The following UVRAG variants were observed in gnomAD, a reference collection of about 807,000 sequenced individuals.
UVRAG encodes UV radiation resistance associated, also known as UV radiation resistance-associated gene protein.
UVRAG carries 19 observed loss-of-function variants against 78.0 expected under a neutral mutation model. That is an observed-to-expected ratio of 0.24 (90% confidence interval 0.17 to 0.36). The LOEUF (loss-of-function observed/expected upper bound fraction) is 0.36, where lower values mean the gene tolerates loss of function less well. UVRAG is among the 10% of genes least tolerant of loss of function. The pLI is 1.00. For synonymous variants in UVRAG, 323 were observed against 324.6 expected (o/e 1.00, Z 0.05); for missense variants, 740 against 853.8 (o/e 0.87, Z 1.66).
intron 14 of UVRAG, among the ~76,000 whole-genome samples, chr11:76,121,182 A>G (rs1183591051): frequency 6.6e-6 from 1 of 152,234 alleles, no homozygotes; most frequent in Non-Finnish European, 1.5e-5. Context: ...TGGAATTCTT[A>G]GCTAATATGA....
chr11:75,892,054 C>A (rs995461438), intron 5 of UVRAG, among the ~76,000 whole-genome samples: 12 of 152,232 alleles, frequency 7.9e-5, no homozygotes, highest in Non-Finnish European at 1.8e-4. Flanking sequence ...TCGATTCCTT[C>A]TATATACTTC....
At chr11:76,118,817 A>G (rs189522500) in intron 14 of UVRAG, among the ~76,000 whole-genome samples, 36 of 152,342 alleles carry the variant, frequency 2.4e-4, no homozygotes, top group Non-Finnish European at 4.0e-4. Flanking sequence ...TTGAGCAAAC[A>G]TGATGAGGTT....
At chr11:75,904,095 T>C (rs1453637059) in intron 5 of UVRAG, among the ~76,000 whole-genome samples, 1 of 152,212 alleles carries the variant, frequency 6.6e-6, no homozygotes, top group Non-Finnish European at 1.5e-5. Context: ...AAAATAAGAC[T>C]ATGTGACAGA....
intron 11 of UVRAG, among the ~76,000 whole-genome samples, chr11:76,011,845 T>G (rs1194925094): frequency 6.6e-6 from 1 of 152,180 alleles, no homozygotes; most frequent in East Asian, 1.9e-4. Context: ...TCATACTCTG[T>G]GTCAGGCACT....
intron 10 of UVRAG, 105 bp from the exon 11 acceptor site, chr11:76,008,702 G>A (rs2135348663): frequency 1.8e-6 from 1 of 541,182 alleles, no homozygotes; most frequent in African/African-American, 1.9e-5. Flanking sequence ...ATAATACTTG[G>A]AGTTTAGAAC....
chr11:75,987,964 C>G (rs984021035), intron 8 of UVRAG, among the ~76,000 whole-genome samples: 2 of 152,162 alleles, frequency 1.3e-5, no homozygotes, highest in African/African-American at 4.8e-5. Context: ...TCTCAAACTC[C>G]TGACCTCAGG....
At chr11:75,911,853 G>A in intron 5 of UVRAG, 101 bp from the exon 6 acceptor site, 1 of 787,384 alleles carries the variant, frequency 1.3e-6, no homozygotes, top group Non-Finnish European at 2.1e-6. Flanking sequence ...GATTTACTCA[G>A]TTGTTAATAT....
chr11:75,912,044 G>A lies in UVRAG; in HGVS notation c.593+5G>A. Reference sequence around the variant, plus strand: ...CGATGTCTTCTCTTTGCTACGGTAAGAAACTTCTTAGATTGCCCTGAATTC... The same window carrying A: ...CGATGTCTTCTCTTTGCTACGGTAAAAAACTTCTTAGATTGCCCTGAATTC... On this transcript the variant is annotated splice_donor_5th_base_variant and intron_variant, in intron 6 of 14. Coordinates refer to ENST00000356136, the MANE Select transcript of UVRAG (RefSeq NM_003369.4). 2 of 1,598,206 alleles carry A rather than the reference G, an allele frequency of 1.3e-6. No individual in the cohort carries two copies. Among genetic ancestry groups the A allele is most frequent in the African/African-American group, 2.7e-5 (2 of 74,766 alleles).
intron 5 of UVRAG, chr11:75,892,460 C>T (rs958242361): frequency 2.2e-6 from 2 of 923,398 alleles, no homozygotes; most frequent in Non-Finnish European, 2.6e-6. Flanking sequence ...TGGCACTATT[C>T]TAAACACTTT....
chr11:76,063,672 T>C (rs570980116), intron 12 of UVRAG, among the ~76,000 whole-genome samples: 5 of 152,264 alleles, frequency 3.3e-5, no homozygotes, highest in African/African-American at 1.2e-4. Context: ...TCATAGGAAA[T>C]ATATAGTTCA....
rs546957972 is a variant in UVRAG at position 76,118,448 on chromosome 11, C to G, written c.1397+2433C>G. ...CAGTGATAGTGGGTATCCTTGTCTT[C>G]TGACTTCAAAGAGAATGCTTCTAAT... On this transcript the variant is annotated intron_variant, in intron 14 of 14. Transcript: ENST00000356136. Among the ~76,000 whole-genome samples, 13 of 152,222 alleles carry G rather than the reference C, an allele frequency of 8.5e-5. No individual in the cohort carries two copies. The South Asian group carries it at 1.7e-3, about 19-fold the overall frequency.
intron 13 of UVRAG, among the ~76,000 whole-genome samples, chr11:76,111,187 G>A (rs1293663180): frequency 1.3e-5 from 2 of 152,114 alleles, no homozygotes; most frequent in African/African-American, 2.4e-5. Flanking sequence ...TCACAAGGAT[G>A]AAAAGAATAG....
intron 6 of UVRAG, among the ~76,000 whole-genome samples, chr11:75,928,742 A>C (rs1720266639): frequency 6.6e-6 from 1 of 151,998 alleles, no homozygotes; most frequent in South Asian, 2.1e-4. Flanking sequence ...GATTGAGACT[A>C]TCCTGGCTAA....
At chr11:75,923,629 T>C (rs974874996) in intron 6 of UVRAG, among the ~76,000 whole-genome samples, 2 of 152,186 alleles carry the variant, frequency 1.3e-5, no homozygotes, top group Non-Finnish European at 2.9e-5. Flanking sequence ...GGTTAGGACT[T>C]AGCTAGTAAA....
chr11:76,076,966 G>A (rs1026447192), intron 13 of UVRAG, among the ~76,000 whole-genome samples: 14 of 150,286 alleles, frequency 9.3e-5, no homozygotes, highest in Non-Finnish European at 2.1e-4. Context: ...GCAGTGAGCT[G>A]TGATTGTACC....
At chr11:75,906,932 T>G (rs1947628582) in intron 5 of UVRAG, among the ~76,000 whole-genome samples, 1 of 152,256 alleles carries the variant, frequency 6.6e-6, no homozygotes, top group Non-Finnish European at 1.5e-5. Context: ...TTGCTTGGTA[T>G]TAAGTTGAAA....
chr11:75,967,645 A>C (rs983811560), intron 7 of UVRAG, among the ~76,000 whole-genome samples: 2 of 152,200 alleles, frequency 1.3e-5, no homozygotes, highest in African/African-American at 4.8e-5. Flanking sequence ...TTTTATGAAA[A>C]ATAAGCATAT....
In UVRAG at chr11:76,142,724, G is replaced by A. The variant is rs551499047; in HGVS notation, c.*1311G>A. 1.3e-5 allele frequency: 2 copies of A among 152,270 alleles called. No homozygotes were observed. Among genetic ancestry groups the A allele is most frequent in the East Asian group, 1.9e-4 (1 of 5,180 alleles). 9.4% of individuals were successfully genotyped at this position (152,270 alleles called of 1,614,324 possible). A position where few individuals can be genotyped will look rare whatever the true frequency, so the allele number is the denominator to read the frequency against. Reference sequence around the variant, plus strand: ...CGTCTCCATATGTCACATCATGACAGGACTAGCCTGAACAAAAGCCATGTC... The same window carrying A: ...CGTCTCCATATGTCACATCATGACAAGACTAGCCTGAACAAAAGCCATGTC... On this transcript the variant is annotated 3_prime_UTR_variant, in exon 15 of 15. Transcript: ENST00000356136.
At chr11:75,893,316 C>G (rs1947262083) in intron 5 of UVRAG, among the ~76,000 whole-genome samples, 1 of 151,908 alleles carries the variant, frequency 6.6e-6, no homozygotes, top group Admixed American at 6.6e-5. Context: ...TCTGGCCACT[C>G]TGCCCAGAAG....
Sources: gnomAD v4.1 joint callset for allele counts (sites outside exome capture counted in the v4.1 genomes callset) on GRCh38, gnomAD v4.1.1 for gene constraint, MANE v1.5 for transcripts, NCBI Gene and HGNC (gene_info 2026-07-23, HGNC 2026-07-21) for gene names.